Variants in GNAL observed in about 807,000 individuals in gnomAD.
The protein encoded by GNAL is guanine nucleotide-binding protein G(olf) subunit alpha.
Under a neutral mutation model 55.1 loss-of-function variants are expected in GNAL, and 18 were observed. The observed-to-expected ratio is 0.33, with a 90% CI of 0.23 to 0.48. GNAL has a LOEUF of 0.48. GNAL is among the 20% of genes least tolerant of loss of function. The pLI, the probability that GNAL is intolerant of heterozygous loss-of-function variation, is 0.99. For synonymous variants in GNAL, 253 were observed against 237.0 expected, an observed-to-expected ratio of 1.07 and a Z score of -0.62; for missense variants, 412 against 614.1, an observed-to-expected ratio of 0.67 and a Z score of 3.48.
chr18:11,802,868 G>A (rs928171517), intron 4 of GNAL, among the ~76,000 whole-genome samples: 23 of 152,106 alleles, frequency 1.5e-4, no homozygotes, highest in African/African-American at 5.1e-4. Flanking sequence ...GGAAGGGCAC[G>A]GCAGTGGCCC....
In GNAL at chr18:11,752,996, T is replaced by A; in HGVS notation, c.449+71T>A. The A allele has an allele frequency of 2.4e-6, 2 of 821,398 alleles. No individual in the cohort carries two copies. The highest frequency in any genetic ancestry group is 4.1e-5 in the Admixed American group (2 of 49,276). 50.9% of individuals were successfully genotyped at this position (821,398 alleles called of 1,614,324 possible). A position where few individuals can be genotyped will look rare whatever the true frequency, so the allele number is the denominator to read the frequency against. On this transcript the variant is annotated intron_variant, in intron 2 of 11. Transcript: ENST00000334049. This position sits in a 1 kb window ranked among gnomAD's most constrained non-coding sequence, Gnocchi z 4.5. ...CTCTCCCAGACGTCCCAAAAGTGCT[T>A]TCTCTAAACAATTTTAATTTATTTG...
chr18:11,792,631 G>A (rs1358265419), intron 4 of GNAL, among the ~76,000 whole-genome samples: 1 of 152,188 alleles, frequency 6.6e-6, no homozygotes. Context: ...TGAGGACAAG[G>A]GCACCTCTTT....
chr18:11,826,127 A>G (rs1488730092), intron 5 of GNAL, among the ~76,000 whole-genome samples: 1 of 152,122 alleles, frequency 6.6e-6, no homozygotes, highest in Non-Finnish European at 1.5e-5. Context: ...GTGTTGGCCC[A>G]AGCTCCTGCT....
At chr18:11,842,538 A>G (rs1161014304) in intron 5 of GNAL, among the ~76,000 whole-genome samples, 2 of 152,032 alleles carry the variant, frequency 1.3e-5, no homozygotes, top group African/African-American at 4.8e-5. Flanking sequence ...AGATGGTCCC[A>G]TCTGGGGGTG....
At chr18:11,742,514 C>G (rs1436025797) in intron 1 of GNAL, among the ~76,000 whole-genome samples, 1 of 152,218 alleles carries the variant, frequency 6.6e-6, no homozygotes, top group Non-Finnish European at 1.5e-5. Context: ...TGTTCGGCAT[C>G]CGCTATGCTG....
rs1647554 is a variant in GNAL at position 11,824,773 on chromosome 18, C to G, written c.625-145C>G. On this transcript the variant is annotated intron_variant, in intron 4 of 11. Coordinates refer to ENST00000334049, the MANE Select transcript of GNAL (RefSeq NM_182978.4). ...TTTTTTATCACACTAAACATAGAGTCGGTGCATTTTACTATGCAGACTTCC... is the reference window on the plus strand; with the variant it reads ...TTTTTTATCACACTAAACATAGAGTGGGTGCATTTTACTATGCAGACTTCC... The G allele has an allele frequency of 0.74, 421,146 of 568,726 alleles. 159,690 individuals are homozygous for G. Among genetic ancestry groups the G allele is most frequent in the Admixed American group, 0.83 (24,707 of 29,764 alleles). 35.2% of individuals were successfully genotyped at this position (568,726 alleles called of 1,614,324 possible). A position where few individuals can be genotyped will look rare whatever the true frequency, so the allele number is the denominator to read the frequency against.
intron 1 of GNAL, among the ~76,000 whole-genome samples, chr18:11,734,615 A>T (rs992383511): frequency 6.6e-6 from 1 of 151,392 alleles, no homozygotes; most frequent in African/African-American, 2.4e-5. Context: ...TGGGAGTTTC[A>T]TAGGCTCGCC....
chr18:11,867,825 AAT>A (rs1345706996), intron 8 of GNAL, among the ~76,000 whole-genome samples: 2 of 143,922 alleles, frequency 1.4e-5, no homozygotes, highest in African/African-American at 5.1e-5. Flanking sequence ...AAAAAAAAAT[AAT>A]AATAATAAAA....
At chr18:11,805,099 G>T (rs2034621104) in intron 4 of GNAL, among the ~76,000 whole-genome samples, 1 of 145,644 alleles carries the variant, frequency 6.9e-6, no homozygotes, top group African/African-American at 2.6e-5. Context: ...TGAAGTACAG[G>T]TGCAATTTGA....
At chr18:11,808,167 G>A (rs2034714498) in intron 4 of GNAL, among the ~76,000 whole-genome samples, 1 of 152,076 alleles carries the variant, frequency 6.6e-6, no homozygotes, top group Non-Finnish European at 1.5e-5. Context: ...TCTGCAGGGA[G>A]TGGAAGGAAT....
chr18:11,875,791 G>T (rs1244539388), intron 10 of GNAL, among the ~76,000 whole-genome samples: 1 of 152,178 alleles, frequency 6.6e-6, no homozygotes, highest in African/African-American at 2.4e-5. Context: ...TGCAAGAATG[G>T]ACTAACACAG....
chr18:11,695,818 G>A lies in GNAL; in HGVS notation c.376+5879G>A, dbSNP rs143437901. On this transcript the variant is annotated intron_variant, in intron 1 of 11. Coordinates refer to ENST00000334049, the MANE Select transcript of GNAL (RefSeq NM_182978.4). ...AAGCAATCTCTTTGGGACATTTGCT[G>A]GCTTTCTTTTGTATCAAAATGCTGG... 2.8e-3 allele frequency among the ~76,000 whole-genome samples: 430 copies of A among 152,166 alleles called. 2 individuals carry two copies. The highest frequency in any genetic ancestry group is 0.01 in the African/African-American group (416 of 41,510).
chr18:11,766,314 TA>T (rs2033405101), intron 4 of GNAL, among the ~76,000 whole-genome samples: 1 of 152,260 alleles, frequency 6.6e-6, no homozygotes, highest in Non-Finnish European at 1.5e-5. Flanking sequence ...CTTCATGGCA[TA>T]AATGGAATTA....
rs140611660 is a variant in GNAL at position 11,737,726 on chromosome 18, T to C, written c.377-15127T>C. 3.0e-4 allele frequency among the ~76,000 whole-genome samples: 46 copies of C among 152,170 alleles called. 1 individual carries two copies. In the East Asian group the frequency reaches 8.9e-3, roughly 29 times the overall value. Reference sequence around the variant, plus strand: ...GGGACTGAAATCCGGATGCCTCTGCTCTCCAAGCCCTGTGCTGGGCACAGG... The same window carrying C: ...GGGACTGAAATCCGGATGCCTCTGCCCTCCAAGCCCTGTGCTGGGCACAGG... On this transcript the variant is annotated intron_variant, in intron 1 of 11. Transcript: ENST00000334049.
At chr18:11,813,982 G>A (rs1380921420) in intron 4 of GNAL, among the ~76,000 whole-genome samples, 1 of 152,128 alleles carries the variant, frequency 6.6e-6, no homozygotes, top group African/African-American at 2.4e-5. Context: ...GGAGAAGCTG[G>A]ATATCCCTAT....
chr18:11,796,575 CAA>C (rs760136358), intron 4 of GNAL, among the ~76,000 whole-genome samples: 2 of 58,948 alleles, frequency 3.4e-5, no homozygotes. Context: ...CTCCTTCTCA[CAA>C]AAAAAAAAAA....
chr18:11,752,683 C>T lies in GNAL; in HGVS notation c.377-170C>T. ...CAGGGCCGGGCGAGGGTCGCGCGCA[C>T]CTCTGGGCCGCGGAGCCCAGACGGC... is the stretch of plus-strand genomic sequence containing the variant. On this transcript the variant is annotated intron_variant, in intron 1 of 11. Coordinates refer to ENST00000334049, the MANE Select transcript of GNAL (RefSeq NM_182978.4). The surrounding 1 kb of genome is among the most constrained non-coding windows in gnomAD (Gnocchi z 4.5). The T allele has an allele frequency of 1.6e-6, 2 of 1,282,836 alleles. No individual in the cohort carries two copies. Among genetic ancestry groups the T allele is most frequent in the Middle Eastern group, 2.8e-4 (1 of 3,542 alleles). 79.5% of individuals were successfully genotyped at this position (1,282,836 alleles called of 1,614,324 possible).
At chr18:11,823,659 CT>C (rs1257914663) in intron 4 of GNAL, among the ~76,000 whole-genome samples, 1 of 152,142 alleles carries the variant, frequency 6.6e-6, no homozygotes, top group Non-Finnish European at 1.5e-5. Context: ...GCCAGTCCTT[CT>C]TTTTTTCTCC....
chr18:11,689,908 C>G lies in GNAL; in HGVS notation c.345C>G (p.Asp115Glu). ...GCATGCTGCGCGACCAGAAGCGCGA[C>G]CTGCAGCAGACGCACCGGCTCCTGC... ...IDRMLRDQKR[D>E]LQQTHRLLLL... Residue 115 changes from aspartate (D) to glutamate (E), a missense_variant, in exon 1 of 12, where the codon GAC (aspartate) becomes GAG (glutamate). This residue lies in a region of GNAL where 228 missense variants were observed against 194.8 expected (regional missense o/e 1.17). Coordinates refer to ENST00000334049, the MANE Select transcript of GNAL (RefSeq NM_182978.4). 2.7e-6 allele frequency: 4 copies of G among 1,459,596 alleles called. No individual in the cohort carries two copies. Among genetic ancestry groups the G allele is most frequent in the Non-Finnish European group, 3.6e-6 (4 of 1,104,166 alleles). 90.4% of individuals were successfully genotyped at this position (1,459,596 alleles called of 1,614,324 possible). A position where few individuals can be genotyped will look rare whatever the true frequency, so the allele number is the denominator to read the frequency against.
Sources: allele counts gnomAD v4.1 joint callset (sites outside exome capture counted in the v4.1 genomes callset), GRCh38; gene constraint gnomAD v4.1.1; regional missense constraint gnomAD v4.1.1; non-coding constraint Gnocchi (gnomAD v3.1); transcripts MANE v1.5; gene names NCBI Gene and HGNC (gene_info 2026-07-23, HGNC 2026-07-21).